Variants in TMTC2 observed in about 807,000 individuals in gnomAD.
TMTC2 encodes transmembrane O-mannosyltransferase targeting cadherins 2.
In TMTC2, 43 loss-of-function variants were observed where a neutral mutation model predicts 82.4. The observed-to-expected ratio is 0.52, with a 90% CI of 0.41 to 0.67. The LOEUF is 0.67. Among genes scored for constraint, TMTC2 ranks in the 30% least tolerant of loss-of-function variants. The pLI is 0.00. For synonymous variants in TMTC2, 408 were observed against 381.9 expected, an observed-to-expected ratio of 1.07 and a Z score of -0.80; for missense variants, 919 against 1,012.4, an observed-to-expected ratio of 0.91 and a Z score of 1.25.
chr12:82,860,611 G>C (rs566018561), intron 2 of TMTC2, among the ~76,000 whole-genome samples: 2 of 152,176 alleles, frequency 1.3e-5, no homozygotes, highest in Non-Finnish European at 2.9e-5. Context: ...AAATTGTGGG[G>C]GTGTTCAGTG....
chr12:83,073,433 G>T (rs1204693657), intron 11 of TMTC2, among the ~76,000 whole-genome samples: 2 of 152,076 alleles, frequency 1.3e-5, no homozygotes, highest in Non-Finnish European at 2.9e-5. Context: ...CTTAACTTTG[G>T]ATAACCTGAT....
intron 3 of TMTC2, among the ~76,000 whole-genome samples, chr12:82,919,898 G>T (rs572848836): frequency 1.4e-3 from 206 of 152,226 alleles, no homozygotes; most frequent in African/African-American, 4.8e-3. Flanking sequence ...GACTGGCATC[G>T]TACACTGGTA....
chr12:82,796,563 A>G (rs917218653), intron 1 of TMTC2, among the ~76,000 whole-genome samples: 10 of 152,178 alleles, frequency 6.6e-5, no homozygotes, highest in African/African-American at 2.4e-4. Flanking sequence ...TAATGTAAGT[A>G]GTTGGTCTAA....
intron 1 of TMTC2, among the ~76,000 whole-genome samples, chr12:82,748,674 A>G (rs1023159364): frequency 1.3e-5 from 2 of 152,136 alleles, no homozygotes; most frequent in African/African-American, 4.8e-5. Flanking sequence ...TCAGAAGTTC[A>G]AGACCAGCCT....
intron 11 of TMTC2, among the ~76,000 whole-genome samples, chr12:83,062,998 G>A (rs1468892382): frequency 6.6e-6 from 1 of 151,838 alleles, no homozygotes; most frequent in East Asian, 1.9e-4. Context: ...ACAAAAGAGA[G>A]ATTAACAATA....
intron 1 of TMTC2, among the ~76,000 whole-genome samples, chr12:82,782,448 T>A (rs2137010971): frequency 6.6e-6 from 1 of 152,252 alleles, no homozygotes; most frequent in Non-Finnish European, 1.5e-5. Flanking sequence ...AGCTGAGAGC[T>A]TTGCTAGCCT....
In TMTC2 at chr12:83,071,178, G is replaced by A. The variant is rs531340019; in HGVS notation, c.2331+9347G>A. ...TTTTTTTTGTTTTTTTTTTTGAGACGGAGTCTCGCTCTGTCGCCTAGACTG... is the reference window on the plus strand; with the variant it reads ...TTTTTTTTGTTTTTTTTTTTGAGACAGAGTCTCGCTCTGTCGCCTAGACTG... On this transcript the variant is annotated intron_variant, in intron 11 of 11. Coordinates refer to ENST00000321196, the MANE Select transcript of TMTC2 (RefSeq NM_152588.3). Among the ~76,000 whole-genome samples the A allele has an allele frequency of 8.9e-4, 122 of 137,578 alleles. 3 individuals are homozygous for A. The South Asian group carries it at 0.027, about 31-fold the overall frequency. The allele number at this position is 137,578 out of a possible 152,430, so 90.3% of individuals were successfully genotyped here. A position where few individuals can be genotyped will look rare whatever the true frequency, so the allele number is the denominator to read the frequency against.
chr12:82,828,510 T>C (rs1869563198), intron 1 of TMTC2, among the ~76,000 whole-genome samples: 1 of 152,122 alleles, frequency 6.6e-6, no homozygotes, highest in East Asian at 1.9e-4. Context: ...AGGATGAACA[T>C]TTGAAATGCT....
At chr12:82,847,725 CAT>C (rs1274163927) in intron 1 of TMTC2, among the ~76,000 whole-genome samples, 1 of 151,774 alleles carries the variant, frequency 6.6e-6, no homozygotes. Flanking sequence ...TGTTCTTACT[CAT>C]AGGTGGGAAT....
intron 1 of TMTC2, among the ~76,000 whole-genome samples, chr12:82,701,328 GT>G (rs1473767745): frequency 1.3e-5 from 2 of 152,146 alleles, no homozygotes; most frequent in Non-Finnish European, 2.9e-5. Context: ...TTGTTTTACA[GT>G]AAGCAGCACT....
At chr12:82,719,145 G>C (rs1874068607) in intron 1 of TMTC2, among the ~76,000 whole-genome samples, 1 of 123,426 alleles carries the variant, frequency 8.1e-6, no homozygotes, top group South Asian at 2.7e-4. Context: ...CCAGGCTAGA[G>C]TGCAGAGGCA....
chr12:82,860,740 T>A (rs113040917), intron 2 of TMTC2, among the ~76,000 whole-genome samples: 34 of 152,338 alleles, frequency 2.2e-4, no homozygotes, highest in African/African-American at 8.2e-4. Flanking sequence ...TAAGGTGAAC[T>A]GCCAGTAGTC....
chr12:83,010,415 T>C (rs1258967763), intron 8 of TMTC2, among the ~76,000 whole-genome samples: 2 of 152,172 alleles, frequency 1.3e-5, no homozygotes. Context: ...CCCATCATGA[T>C]TGCCTGAGCA....
chr12:82,786,007 G>T (rs1878161100), intron 1 of TMTC2, among the ~76,000 whole-genome samples: 1 of 151,956 alleles, frequency 6.6e-6, no homozygotes, highest in Admixed American at 6.6e-5. Context: ...TTGCTGCAGG[G>T]GCTACAGTCT....
At chr12:83,013,103 C>T (rs1438032585) in intron 8 of TMTC2, among the ~76,000 whole-genome samples, 1 of 151,938 alleles carries the variant, frequency 6.6e-6, no homozygotes, top group African/African-American at 2.4e-5. Flanking sequence ...CTAACTTCTG[C>T]TTAACATAAT....
chr12:82,875,257 C>T (rs542191893), intron 2 of TMTC2, among the ~76,000 whole-genome samples: 1 of 152,270 alleles, frequency 6.6e-6, no homozygotes, highest in East Asian at 1.9e-4. Flanking sequence ...ATACAAGTTG[C>T]ATGCATTTTA....
At chr12:83,076,221 A>G (rs1408774738) in intron 11 of TMTC2, among the ~76,000 whole-genome samples, 2 of 152,158 alleles carry the variant, frequency 1.3e-5, no homozygotes, top group African/African-American at 4.8e-5. Context: ...TACTCTCTGT[A>G]TATATGTGTG....
chr12:82,750,999 T>G (rs971211378), intron 1 of TMTC2, among the ~76,000 whole-genome samples: 5 of 152,162 alleles, frequency 3.3e-5, no homozygotes, highest in Admixed American at 6.5e-5. Context: ...CCTGCAACCT[T>G]TATCTTTGTG....
At chr12:83,079,598 G>A (rs1482706766) in intron 11 of TMTC2, among the ~76,000 whole-genome samples, 1 of 152,074 alleles carries the variant, frequency 6.6e-6, no homozygotes, top group Non-Finnish European at 1.5e-5. Context: ...CAGCAAATTA[G>A]ACAGACCAGC....
Sources: allele counts gnomAD v4.1 joint callset (sites outside exome capture counted in the v4.1 genomes callset), GRCh38; gene constraint gnomAD v4.1.1; transcripts MANE v1.5; gene names NCBI Gene and HGNC (gene_info 2026-07-23, HGNC 2026-07-21).